Variants in CLVS1 observed in about 807,000 individuals in gnomAD.
CLVS1 encodes the protein clavesin-1.
In CLVS1, 10 loss-of-function variants were observed where a neutral mutation model predicts 33.1. That is an observed-to-expected ratio of 0.30 (90% confidence interval 0.19 to 0.51). The LOEUF is 0.51. Ranked by LOEUF, CLVS1 falls within the 20% of genes least tolerant of loss-of-function variation. The pLI is 0.97. For missense variants in CLVS1, 343 were observed against 433.4 expected, an observed-to-expected ratio of 0.79 and a Z score of 1.85; for synonymous variants, 163 against 166.1, an observed-to-expected ratio of 0.98 and a Z score of 0.14.
At chr8:61,013,012 T>C in the CLVS1 span, among the ~76,000 whole-genome samples, 39 of 152,290 alleles carry the variant, frequency 2.6e-4, 1 homozygote, top group Admixed American at 2.4e-3. Flanking sequence ...TTATTATCCC[T>C]TGCCGTCCAT....
At chr8:61,334,744 G>T (rs1166793258) in intron 2 of CLVS1, among the ~76,000 whole-genome samples, 2 of 152,186 alleles carry the variant, frequency 1.3e-5, no homozygotes, top group African/African-American at 4.8e-5. Flanking sequence ...CTTAATGGAT[G>T]GCTGGGATCT....
At chr8:61,474,812 A>G (rs1817855749) in intron 5 of CLVS1, among the ~76,000 whole-genome samples, 1 of 152,228 alleles carries the variant, frequency 6.6e-6, no homozygotes, top group Admixed American at 6.5e-5. Flanking sequence ...TTTTATATAT[A>G]TACTTTAAGT....
At chr8:61,456,996 G>A (rs1817190825) in intron 4 of CLVS1, among the ~76,000 whole-genome samples, 1 of 151,298 alleles carries the variant, frequency 6.6e-6, no homozygotes, top group Non-Finnish European at 1.5e-5. Context: ...GGAGTGCAGT[G>A]GCGTGATCTC....
At chr8:61,027,584 T>C in the CLVS1 span, among the ~76,000 whole-genome samples, 8 of 152,158 alleles carry the variant, frequency 5.3e-5, no homozygotes, top group Non-Finnish European at 1.2e-4. Context: ...CTTTTGCTCT[T>C]GAAGTCTTTA....
chr8:61,361,642 C>A (rs1259165611), intron 2 of CLVS1, among the ~76,000 whole-genome samples: 1 of 152,134 alleles, frequency 6.6e-6, no homozygotes, highest in Non-Finnish European at 1.5e-5. Flanking sequence ...AGGAAAAACC[C>A]AGTCTTGATT....
chr8:61,195,984 C>T (rs1563440715), intron 2 of CLVS1, among the ~76,000 whole-genome samples: 1 of 152,016 alleles, frequency 6.6e-6, no homozygotes, highest in East Asian at 1.9e-4. Context: ...TACATATGAG[C>T]TTTGGGTTTC....
At chr8:61,002,802 G>T in the CLVS1 span, among the ~76,000 whole-genome samples, 1 of 152,194 alleles carries the variant, frequency 6.6e-6, no homozygotes, top group African/African-American at 2.4e-5. Context: ...TCTTCTTTTT[G>T]AGTTCTTCTC....
At chr8:61,315,585 C>A (rs1249204791) in intron 2 of CLVS1, among the ~76,000 whole-genome samples, 3 of 152,112 alleles carry the variant, frequency 2.0e-5, no homozygotes, top group Admixed American at 2.0e-4. Context: ...CAGATAGGGA[C>A]AAGGGCAGGG....
At chr8:61,011,061 C>T in the CLVS1 span, among the ~76,000 whole-genome samples, 1 of 152,198 alleles carries the variant, frequency 6.6e-6, no homozygotes, top group East Asian at 1.9e-4. Flanking sequence ...ATGGGAGACC[C>T]TACACTTTGA....
At chr8:60,979,196 T>C in the CLVS1 span, among the ~76,000 whole-genome samples, 3 of 152,134 alleles carry the variant, frequency 2.0e-5, no homozygotes, top group Non-Finnish European at 4.4e-5. Flanking sequence ...ACAACTCTGT[T>C]TTCTTATCTA....
chr8:61,445,785 C>A (rs1226022045), intron 3 of CLVS1, among the ~76,000 whole-genome samples: 2 of 152,156 alleles, frequency 1.3e-5, no homozygotes, highest in Non-Finnish European at 2.9e-5. Flanking sequence ...CTAGTAAAAT[C>A]ATTTGAGCCA....
At position 61,328,099 on chromosome 8, in the gene CLVS1, C is replaced by A. The variant is rs531234980; in HGVS notation, c.455+27817C>A. Among the ~76,000 whole-genome samples the A allele has an allele frequency of 7.2e-5, 11 of 152,220 alleles. No individual in the cohort carries two copies. In the East Asian group the frequency reaches 9.6e-4, roughly 13 times the overall value. On this transcript the variant is annotated intron_variant, in intron 2 of 5. Coordinates refer to ENST00000325897, the MANE Select transcript of CLVS1 (RefSeq NM_173519.3). ...CACTGTAAGTTAGGCAATTGTTATG[C>A]CCAATTCTTGGGTAGGGGAATAGGC...
chr8:61,180,224 A>G (rs1395966136), intron 2 of CLVS1, among the ~76,000 whole-genome samples: 1 of 152,234 alleles, frequency 6.6e-6, no homozygotes, highest in Non-Finnish European at 1.5e-5. Context: ...CTATGCAAAT[A>G]AACTAGAAAA....
At chr8:61,429,419 TA>T (rs57688988) in intron 3 of CLVS1, among the ~76,000 whole-genome samples, 25,666 of 73,284 alleles carry the variant, frequency 0.35, 3,492 homozygotes, top group African/African-American at 0.54. Flanking sequence ...GACTCTGTCT[TA>T]AAAAAAAAAA....
At chr8:61,383,490 T>C (rs1444318805) in intron 3 of CLVS1, among the ~76,000 whole-genome samples, 2 of 152,260 alleles carry the variant, frequency 1.3e-5, no homozygotes, top group Non-Finnish European at 2.9e-5. Context: ...TTTTAATTCA[T>C]GTTTTCTAAA....
chr8:61,171,336 G>C (rs1806992453), intron 2 of CLVS1, among the ~76,000 whole-genome samples: 1 of 152,078 alleles, frequency 6.6e-6, no homozygotes, highest in African/African-American at 2.4e-5. Context: ...GTTGGAGGAG[G>C]GCCAATTTAA....
chr8:61,155,063 C>A (rs1482462463), intron 2 of CLVS1, among the ~76,000 whole-genome samples: 3 of 152,138 alleles, frequency 2.0e-5, no homozygotes, highest in Non-Finnish European at 2.9e-5. Context: ...GGCTCTGGAG[C>A]TTTGGGCTGA....
At chr8:61,261,992 G>GTGTA (rs1554551254) in intron 2 of CLVS1, among the ~76,000 whole-genome samples, 58 of 128,430 alleles carry the variant, frequency 4.5e-4, no homozygotes, top group East Asian at 3.2e-3. Context: ...GTGTGTGTGT[G>GTGTA]TGTGTGTGTG....
chr8:61,454,950 A>G (rs1817092816), intron 4 of CLVS1, among the ~76,000 whole-genome samples: 1 of 152,210 alleles, frequency 6.6e-6, no homozygotes, highest in African/African-American at 2.4e-5. Flanking sequence ...CAGCTAATGA[A>G]AACATGTATC....
Sources: allele counts gnomAD v4.1 joint callset (sites outside exome capture counted in the v4.1 genomes callset), GRCh38; gene constraint gnomAD v4.1.1; transcripts MANE v1.5; gene names NCBI Gene and HGNC (gene_info 2026-07-23, HGNC 2026-07-21).